Variants in PRELID2 observed in about 807,000 individuals in gnomAD.
PRELID2 encodes the protein PRELI domain-containing protein 2.
A neutral mutation model predicts 28.4 loss-of-function variants in PRELID2; 25 were observed. The ratio of observed to expected loss-of-function variants is 0.88; its 90% confidence interval spans 0.64 to 1.23. The LOEUF is 1.23. Ranked by LOEUF, PRELID2 falls within the 50% of genes most tolerant of loss-of-function variation. The pLI, the probability that PRELID2 is intolerant of heterozygous loss-of-function variation, is 0.00. For missense variants in PRELID2, 201 were observed against 214.4 expected, an observed-to-expected ratio of 0.94 and a Z score of 0.39; for synonymous variants, 76 against 71.6, an observed-to-expected ratio of 1.06 and a Z score of -0.31.
chr5:145,764,279 T>C (rs970400426), intron 6 of PRELID2, among the ~76,000 whole-genome samples: 6 of 152,204 alleles, frequency 3.9e-5, no homozygotes, highest in Non-Finnish European at 8.8e-5. Flanking sequence ...TGAGTAGTTC[T>C]GCAATCCCCC....
intron 1 of PRELID2, among the ~76,000 whole-genome samples, chr5:145,709,269 A>C (rs1243281422): frequency 1.3e-5 from 2 of 152,188 alleles, no homozygotes; most frequent in African/African-American, 4.8e-5. Flanking sequence ...TCTCTTAGGA[A>C]GGGACCCATA....
chr5:145,502,229 G>A (rs937585243), intron 1 of PRELID2, among the ~76,000 whole-genome samples: 2 of 152,084 alleles, frequency 1.3e-5, no homozygotes, highest in African/African-American at 4.8e-5. Flanking sequence ...GCTGGAGCAG[G>A]AGGAAGAGAG....
chr5:145,620,233 A>G (rs773809560), intron 1 of PRELID2, among the ~76,000 whole-genome samples: 3 of 152,222 alleles, frequency 2.0e-5, no homozygotes, highest in African/African-American at 4.8e-5. Context: ...AAAAATCTAC[A>G]TTTAAAAATA....
intron 1 of PRELID2, among the ~76,000 whole-genome samples, chr5:145,639,359 A>G (rs1241621491): frequency 6.6e-6 from 1 of 151,374 alleles, no homozygotes; most frequent in African/African-American, 2.4e-5. Context: ...CAGAGGGAGA[A>G]GGGCAAGAGG....
chr5:145,533,280 T>C (rs1034104695), intron 1 of PRELID2, among the ~76,000 whole-genome samples: 3 of 151,898 alleles, frequency 2.0e-5, no homozygotes, highest in Non-Finnish European at 4.4e-5. Flanking sequence ...TGATGGGGAG[T>C]TCTATTTCTC....
chr5:145,608,874 A>G (rs763087339), intron 1 of PRELID2, among the ~76,000 whole-genome samples: 1 of 152,330 alleles, frequency 6.6e-6, no homozygotes, highest in South Asian at 2.1e-4. Context: ...TTTCAGGGAC[A>G]TCAATGAGTC....
chr5:145,379,531 T>C, the PRELID2 span, among the ~76,000 whole-genome samples: 2 of 152,120 alleles, frequency 1.3e-5, no homozygotes, highest in Admixed American at 1.3e-4. Context: ...CAGGGTGAGG[T>C]AGGATCCCCT....
the PRELID2 span, among the ~76,000 whole-genome samples, chr5:145,251,861 C>T: frequency 6.6e-6 from 1 of 152,052 alleles, no homozygotes; most frequent in African/African-American, 2.4e-5. Flanking sequence ...TCTAGCCAAG[C>T]TCTCAGTGGA....
At chr5:145,709,617 CTGTT>C (rs150486181) in intron 1 of PRELID2, among the ~76,000 whole-genome samples, 3,608 of 151,774 alleles carry the variant, frequency 0.024, 131 homozygotes, top group African/African-American at 0.082. Flanking sequence ...TGTGTCTGCT[CTGTT>C]TGGGCTAGAC....
chr5:145,681,321 C>CT (rs1378821820), intron 1 of PRELID2, among the ~76,000 whole-genome samples: 4 of 152,042 alleles, frequency 2.6e-5, no homozygotes, highest in African/African-American at 4.8e-5. Context: ...CTCTATTTTT[C>CT]TTTTTTCTGA....
chr5:145,703,468 C>T (rs995588416), intron 1 of PRELID2, among the ~76,000 whole-genome samples: 2 of 152,166 alleles, frequency 1.3e-5, no homozygotes, highest in Non-Finnish European at 2.9e-5. Context: ...AATAGCTGCC[C>T]CAGTTTCAAG....
At chr5:145,234,521 G>A in the PRELID2 span, among the ~76,000 whole-genome samples, 1 of 151,962 alleles carries the variant, frequency 6.6e-6, no homozygotes, top group Non-Finnish European at 1.5e-5. Flanking sequence ...GGTAAAAAAT[G>A]TTGCATTCTA....
At chr5:145,674,093 G>C (rs1358664101) in intron 1 of PRELID2, among the ~76,000 whole-genome samples, 1 of 152,094 alleles carries the variant, frequency 6.6e-6, no homozygotes. Flanking sequence ...AGAAATAGGA[G>C]GGGGGATCCT....
chr5:145,561,501 C>T (rs1048444585), intron 1 of PRELID2, among the ~76,000 whole-genome samples: 14 of 152,078 alleles, frequency 9.2e-5, no homozygotes, highest in Non-Finnish European at 1.5e-5. Context: ...TGTCTTATGC[C>T]TTAAGTGAGT....
intron 1 of PRELID2, among the ~76,000 whole-genome samples, chr5:145,745,602 C>A (rs900915216): frequency 2.0e-5 from 3 of 152,148 alleles, no homozygotes; most frequent in Non-Finnish European, 4.4e-5. Flanking sequence ...TGGCTCATGT[C>A]TGTAATCCCA....
chr5:145,548,125 C>A (rs1752803365), intron 1 of PRELID2, among the ~76,000 whole-genome samples: 1 of 152,172 alleles, frequency 6.6e-6, no homozygotes, highest in African/African-American at 2.4e-5. Context: ...ACAATAAAAT[C>A]ATCCTGGCCA....
chr5:145,283,737 A>T, the PRELID2 span, among the ~76,000 whole-genome samples: 1 of 152,194 alleles, frequency 6.6e-6, no homozygotes, highest in Non-Finnish European at 1.5e-5. Context: ...TTAATTCTTT[A>T]TGATGAGTAT....
chr5:145,810,920 G>A (rs1753881832), intron 4 of PRELID2, among the ~76,000 whole-genome samples: 1 of 151,596 alleles, frequency 6.6e-6, no homozygotes, highest in African/African-American at 2.4e-5. Flanking sequence ...TTTTGTTTGA[G>A]ACAGAGGTTG....
the PRELID2 span, among the ~76,000 whole-genome samples, chr5:145,416,321 A>G: frequency 6.6e-6 from 1 of 152,124 alleles, no homozygotes; most frequent in East Asian, 1.9e-4. Context: ...ACCCTAGAAG[A>G]AAACCTAGGC....
Sources: gnomAD v4.1 joint callset for allele counts (sites outside exome capture counted in the v4.1 genomes callset) on GRCh38, gnomAD v4.1.1 for gene constraint, MANE v1.5 for transcripts, NCBI Gene and HGNC (gene_info 2026-07-23, HGNC 2026-07-21) for gene names.